GPAT4: variants seen among roughly 807,000 people sequenced by gnomAD.
GPAT4 encodes glycerol-3-phosphate acyltransferase 4.
GPAT4 carries 17 observed loss-of-function variants against 58.0 expected under a neutral mutation model. The ratio of observed to expected loss-of-function variants is 0.29; its 90% CI spans 0.20 to 0.44. GPAT4 has a LOEUF of 0.44. Ranked by LOEUF, GPAT4 falls within the 20% of genes least tolerant of loss-of-function variation. The pLI is 1.00. For missense variants in GPAT4, 377 were observed against 574.5 expected, an observed-to-expected ratio of 0.66 and a Z score of 3.51; for synonymous variants, 204 against 210.1, an observed-to-expected ratio of 0.97 and a Z score of 0.25.
intron 10 of GPAT4, among the ~76,000 whole-genome samples, chr8:41,617,608 A>AC (rs1423586803): frequency 6.6e-6 from 1 of 152,232 alleles, no homozygotes; most frequent in Non-Finnish European, 1.5e-5. Context: ...GGATCATAAA[A>AC]CTTAGGCTGG....
intron 10 of GPAT4, among the ~76,000 whole-genome samples, chr8:41,615,455 G>T (rs1298418170): frequency 2.6e-5 from 4 of 151,776 alleles, no homozygotes; most frequent in Non-Finnish European, 4.4e-5. Context: ...GAGGATTGGG[G>T]GGGGGGTCAT....
Position 41,582,694 on chromosome 8 carries a change from T to TGTGTGGGG in GPAT4, c.-849+4417_-849+4418insTGTGGGGG, listed in dbSNP as rs892299561. 2.8e-5 allele frequency among the ~76,000 whole-genome samples: 4 copies of TGTGTGGGG among 145,072 alleles called. No individual in the cohort carries two copies. In the East Asian group the frequency reaches 8.2e-4, roughly 30 times the overall value. The stretch of plus-strand genomic sequence containing the variant: ...GAGAGAGTGTGTGTGTGTGTGTGTG[T>TGTGTGGGG]GGGTGTATCTCAAAACATCACATTG... On this transcript the variant is annotated intron_variant, in intron 1 of 12. Coordinates refer to ENST00000396987, the MANE Select transcript of GPAT4 (RefSeq NM_178819.4).
chr8:41,581,875 C>A (rs1461165600), intron 1 of GPAT4, among the ~76,000 whole-genome samples: 1 of 150,078 alleles, frequency 6.7e-6, no homozygotes, highest in South Asian at 2.1e-4. Context: ...CCTCGTGATC[C>A]CCCCGCCTCG....
At position 41,611,858 on chromosome 8, in the gene GPAT4, C is replaced by T. The variant is rs369655992; in HGVS notation, c.612-45C>T. 4 of 1,579,492 alleles carry T rather than the reference C, an allele frequency of 2.5e-6. No individual in the cohort carries two copies. The African/African-American group carries it at 4.0e-5, about 16-fold the overall frequency. On this transcript the variant is annotated intron_variant, in intron 5 of 12. Coordinates refer to ENST00000396987, the MANE Select transcript of GPAT4 (RefSeq NM_178819.4). ...TGAAGTCAGTAACTCTTTCTGTCTT[C>T]CTGTATGTAAAATAAAACCCAGAAT...
At position 41,614,985 on chromosome 8, in the gene GPAT4, G is replaced by A. The variant is rs780347677; in HGVS notation, c.990G>A (p.Ser330=). ...FPEGTCINNT[S]VMMFKKGSFE... Reference sequence around the variant, plus strand: ...TAGGAACCTGCATCAATAATACATCGGTGATGATGTTCAAAAAGGGAAGTT... The same window carrying A: ...TAGGAACCTGCATCAATAATACATCAGTGATGATGTTCAAAAAGGGAAGTT... Residue 330 remains serine, a synonymous_variant, in exon 10 of 13, where the codon TCG becomes TCA. Coordinates refer to ENST00000396987, the MANE Select transcript of GPAT4 (RefSeq NM_178819.4). 20 of 1,613,918 alleles carry A rather than the reference G, an allele frequency of 1.2e-5. No individual in the cohort carries two copies. Among genetic ancestry groups the A allele is most frequent in the South Asian group, 4.4e-5 (4 of 91,082 alleles).
intron 2 of GPAT4, among the ~76,000 whole-genome samples, chr8:41,607,061 T>C (rs1803295277): frequency 6.6e-6 from 1 of 152,132 alleles, no homozygotes; most frequent in African/African-American, 2.4e-5. Context: ...CAGGATGAAA[T>C]ATTTTGGTTT....
intron 2 of GPAT4, among the ~76,000 whole-genome samples, chr8:41,605,260 ATAAC>A (rs1282768453): frequency 1.3e-5 from 2 of 152,238 alleles, no homozygotes; most frequent in Non-Finnish European, 2.9e-5. Flanking sequence ...ATATGCATCT[ATAAC>A]TAACTCAGAA....
At chr8:41,586,130 TTC>T (rs1802649991) in intron 1 of GPAT4, among the ~76,000 whole-genome samples, 1 of 152,258 alleles carries the variant, frequency 6.6e-6, no homozygotes, top group African/African-American at 2.4e-5. Context: ...ACAATCTACT[TTC>T]TGTCTGTGTA....
Position 41,600,036 on chromosome 8 carries a change from C to CTTTTTTTTTTTTTTTTTT in GPAT4, c.165+733_165+750dup, listed in dbSNP as rs758905649. Among the ~76,000 whole-genome samples the CTTTTTTTTTTTTTTTTTT allele has an allele frequency of 1.2e-3, 122 of 100,332 alleles. 7 individuals are homozygous for CTTTTTTTTTTTTTTTTTT. The highest frequency in any genetic ancestry group is 1.7e-3 in the South Asian group (5 of 2,912). The allele number at this position is 100,332 out of a possible 152,430, so 65.8% of individuals were successfully genotyped here. ...TGTTCATATTTTATCTTTTTCTTTT[C>CTTTTTTTTTTTTTTTTTT]TTTTTTTTTTTTTTTTTTCGAGACA... is the stretch of plus-strand genomic sequence containing the variant. On this transcript the variant is annotated intron_variant, in intron 2 of 12. Coordinates refer to ENST00000396987, the MANE Select transcript of GPAT4 (RefSeq NM_178819.4).
intron 1 of GPAT4, among the ~76,000 whole-genome samples, chr8:41,581,958 A>T (rs1396415139): frequency 1.4e-5 from 2 of 145,322 alleles, no homozygotes; most frequent in Admixed American, 1.4e-4. Context: ...AAAAAAAAAA[A>T]TGATCAGGAA....
At chr8:41,592,628 A>G (rs1219783841) in intron 1 of GPAT4, among the ~76,000 whole-genome samples, 1 of 152,142 alleles carries the variant, frequency 6.6e-6, no homozygotes, top group East Asian at 1.9e-4. Flanking sequence ...AACATACATA[A>G]CATGAAGTGA....
chr8:41,599,568 A>G (rs1803026273), intron 2 of GPAT4, among the ~76,000 whole-genome samples: 1 of 152,190 alleles, frequency 6.6e-6, no homozygotes, highest in South Asian at 2.1e-4. Context: ...TTAGAATTAA[A>G]GAAAAGCACT....
At position 41,620,961 on chromosome 8, in the gene GPAT4, A is replaced by G. The variant is rs1294548862; in HGVS notation, c.1331A>G (p.Lys444Arg). The part of the protein sequence containing the change: ...FKEEQQKLYS[K>R]MIVGNHKDRS... ...GAGGAGCAGCAGAAGCTGTACAGCA[A>G]GATGATCGTGGGGAACCACAAGGAC... Residue 444 changes from lysine (K) to arginine (R), a missense_variant, in exon 13 of 13, where the codon AAG becomes AGG. Transcript: ENST00000396987. 3 of 1,551,630 alleles carry G rather than the reference A, an allele frequency of 1.9e-6. No homozygotes were observed. The highest frequency in any genetic ancestry group is 2.6e-6 in the Non-Finnish European group (3 of 1,147,214).
At chr8:41,593,273 C>T (rs974908384) in intron 1 of GPAT4, among the ~76,000 whole-genome samples, 2 of 152,226 alleles carry the variant, frequency 1.3e-5, no homozygotes, top group African/African-American at 4.8e-5. Context: ...TTATAACACA[C>T]ATCAGGCTGG....
intron 1 of GPAT4, among the ~76,000 whole-genome samples, chr8:41,579,286 C>T (rs988126675): frequency 6.6e-6 from 1 of 152,208 alleles, no homozygotes; most frequent in Non-Finnish European, 1.5e-5. Flanking sequence ...GTTCTGGCCT[C>T]CTCAGCCACT....
intron 1 of GPAT4, among the ~76,000 whole-genome samples, chr8:41,579,157 G>A (rs1160848464): frequency 7.9e-5 from 12 of 152,178 alleles, no homozygotes; most frequent in African/African-American, 2.9e-4. Context: ...CTGTAATAAT[G>A]CCAATCAAAT....
intron 1 of GPAT4, among the ~76,000 whole-genome samples, chr8:41,589,042 A>G (rs1802724548): frequency 6.6e-6 from 1 of 152,242 alleles, no homozygotes; most frequent in Admixed American, 6.5e-5. Context: ...TACTTGAGGC[A>G]AAGTGATAGC....
chr8:41,597,647 A>C (rs986256389), intron 1 of GPAT4, among the ~76,000 whole-genome samples: 1 of 152,258 alleles, frequency 6.6e-6, no homozygotes, highest in Admixed American at 6.5e-5. Flanking sequence ...TATACAAAAA[A>C]AAAAGTAAAA....
At chr8:41,586,849 C>T (rs923425914) in intron 1 of GPAT4, among the ~76,000 whole-genome samples, 1 of 152,176 alleles carries the variant, frequency 6.6e-6, no homozygotes. Flanking sequence ...AACCCTTAAC[C>T]CAGTAGTCTC....
Sources: allele counts gnomAD v4.1 joint callset (sites outside exome capture counted in the v4.1 genomes callset), GRCh38; gene constraint gnomAD v4.1.1; transcripts MANE v1.5; gene names NCBI Gene and HGNC (gene_info 2026-07-23, HGNC 2026-07-21).